Variants in PTPRD observed in about 807,000 individuals in gnomAD.
PTPRD encodes protein tyrosine phosphatase receptor type D, also known as receptor-type tyrosine-protein phosphatase delta.
In PTPRD, 34 loss-of-function variants were observed where a neutral mutation model predicts 214.5. The ratio of observed to expected loss-of-function variants is 0.16; its 90% CI spans 0.12 to 0.21. The LOEUF is 0.21. PTPRD is among the 10% of genes least tolerant of loss of function. The probability of loss-of-function intolerance (pLI) is 1.00; values close to 1 mark genes in which losing one functional copy is unlikely to be tolerated. For missense variants in PTPRD, 2,545 were observed against 2,398.7 expected, an observed-to-expected ratio of 1.06 and a Z score of -1.27; for synonymous variants, 1,128 against 845.7, an observed-to-expected ratio of 1.33 and a Z score of -5.79.
At chr9:10,441,469 C>T (rs1481068168) in intron 2 of PTPRD, among the ~76,000 whole-genome samples, 2 of 151,516 alleles carry the variant, frequency 1.3e-5, no homozygotes, top group African/African-American at 4.8e-5. Context: ...CCTTTGACAC[C>T]GAATATATTT....
intron 10 of PTPRD, among the ~76,000 whole-genome samples, chr9:9,099,459 A>G (rs921046412): frequency 1.3e-5 from 2 of 152,234 alleles, no homozygotes; most frequent in East Asian, 3.9e-4. Flanking sequence ...TTTAGAGATT[A>G]TTTTACAAGG....
At chr9:9,838,736 A>C (rs1331773653) in intron 5 of PTPRD, among the ~76,000 whole-genome samples, 1 of 152,092 alleles carries the variant, frequency 6.6e-6, no homozygotes, top group Non-Finnish European at 1.5e-5. Flanking sequence ...CTCTGATGGT[A>C]GTTTCTTTTG....
chr9:10,425,750 A>G (rs914468964), intron 2 of PTPRD, among the ~76,000 whole-genome samples: 1 of 151,998 alleles, frequency 6.6e-6, no homozygotes, highest in Non-Finnish European at 1.5e-5. Flanking sequence ...GGAAGATGTC[A>G]TTAAACCAGC....
chr9:9,354,233 T>C (rs568521269), intron 9 of PTPRD, among the ~76,000 whole-genome samples: 9 of 151,862 alleles, frequency 5.9e-5, no homozygotes, highest in Non-Finnish European at 1.2e-4. Context: ...ATAATGACTG[T>C]TCCATCATAT....
chr9:8,464,087 C>G (rs1361212637), intron 32 of PTPRD, among the ~76,000 whole-genome samples: 1 of 151,872 alleles, frequency 6.6e-6, no homozygotes, highest in African/African-American at 2.4e-5. Context: ...GACTCTTTAT[C>G]AGTTGTGACA....
chr9:8,637,966 A>T (rs2096483130), intron 12 of PTPRD, among the ~76,000 whole-genome samples: 1 of 152,190 alleles, frequency 6.6e-6, no homozygotes, highest in South Asian at 2.1e-4. Flanking sequence ...AGTAAATAAA[A>T]CACTAATAAT....
intron 21 of PTPRD, among the ~76,000 whole-genome samples, chr9:8,514,852 G>C (rs1197306511): frequency 2.6e-5 from 4 of 152,118 alleles, no homozygotes; most frequent in Admixed American, 6.6e-5. Context: ...GGAGGTGATT[G>C]AACAATGGGG....
intron 32 of PTPRD, among the ~76,000 whole-genome samples, chr9:8,460,772 A>G (rs2096375673): frequency 6.6e-6 from 1 of 152,070 alleles, no homozygotes; most frequent in Non-Finnish European, 1.5e-5. Context: ...AAATTTCCTT[A>G]TAGAGTGAAC....
intron 2 of PTPRD, among the ~76,000 whole-genome samples, chr9:10,573,393 C>T (rs2068112761): frequency 6.6e-6 from 1 of 152,162 alleles, no homozygotes; most frequent in Admixed American, 6.6e-5. Context: ...TCTGTATACA[C>T]ATCCAGTAAT....
In PTPRD at chr9:8,862,683, GA is replaced by G. The variant is rs529300791; in HGVS notation, c.-103-128738del. 3.2e-4 allele frequency among the ~76,000 whole-genome samples: 48 copies of G among 152,176 alleles called. No individual in the cohort carries two copies. In the East Asian group the frequency reaches 9.1e-3, roughly 29 times the overall value. Reference sequence around the variant, plus strand: ...TCATTTATGCTTTCTTTTTCCACGTGAAAAAAATACACTTTCCTTTTCTTCA... The same window carrying G: ...TCATTTATGCTTTCTTTTTCCACGTGAAAAAATACACTTTCCTTTTCTTCA... On this transcript the variant is annotated intron_variant, in intron 11 of 45. Coordinates refer to ENST00000381196, the MANE Select transcript of PTPRD (RefSeq NM_002839.4).
intron 8 of PTPRD, among the ~76,000 whole-genome samples, chr9:9,483,727 T>G (rs2147223113): frequency 6.6e-6 from 1 of 151,744 alleles, no homozygotes; most frequent in South Asian, 2.1e-4. Context: ...AATAAGTAAC[T>G]CATTTCCTGG....
At chr9:8,967,347 C>A (rs2099203415) in intron 11 of PTPRD, among the ~76,000 whole-genome samples, 2 of 151,996 alleles carry the variant, frequency 1.3e-5, no homozygotes, top group South Asian at 4.1e-4. Context: ...AAGAAATCAT[C>A]CTACCAAAAA....
intron 5 of PTPRD, among the ~76,000 whole-genome samples, chr9:9,836,604 C>G (rs1418479542): frequency 6.6e-6 from 1 of 152,048 alleles, no homozygotes; most frequent in Non-Finnish European, 1.5e-5. Context: ...AATATCAATC[C>G]TCTTCAAAGG....
chr9:9,742,266 G>A (rs113820278), intron 6 of PTPRD, among the ~76,000 whole-genome samples: 43 of 152,134 alleles, frequency 2.8e-4, no homozygotes, highest in Non-Finnish European at 5.3e-4. Context: ...GAAGAGACGT[G>A]CAAGGAAGGA....
At chr9:8,454,438 A>T (rs554342868) in intron 33 of PTPRD, 1 of 738,486 alleles carries the variant, frequency 1.4e-6, no homozygotes, top group South Asian at 1.7e-5. Context: ...GTTACTGTGT[A>T]TATGTAGGCT....
intron 2 of PTPRD, among the ~76,000 whole-genome samples, chr9:10,583,457 C>CTT (rs34055386): frequency 6.0e-4 from 87 of 145,502 alleles, no homozygotes; most frequent in Middle Eastern, 3.5e-3. Context: ...ACTAGAAGTT[C>CTT]TTTTTTTTTT....
intron 5 of PTPRD, among the ~76,000 whole-genome samples, chr9:9,871,725 C>T (rs375445406): frequency 1.3e-5 from 2 of 150,804 alleles, no homozygotes; most frequent in South Asian, 2.1e-4. Context: ...CTCTTTGGAC[C>T]CTAAGATTAT....
chr9:10,036,070 G>GATA (rs1462415656), intron 3 of PTPRD, among the ~76,000 whole-genome samples: 1 of 152,000 alleles, frequency 6.6e-6, no homozygotes, highest in East Asian at 1.9e-4. Context: ...TTCAACATTG[G>GATA]TATCTGGCAG....
chr9:8,432,805 T>C (rs1590260760), intron 35 of PTPRD, among the ~76,000 whole-genome samples: 1 of 152,296 alleles, frequency 6.6e-6, no homozygotes, highest in East Asian at 1.9e-4. Flanking sequence ...GTAGAGTCAA[T>C]TCATGCCCAG....
Sources: allele counts gnomAD v4.1 joint callset (sites outside exome capture counted in the v4.1 genomes callset), GRCh38; gene constraint gnomAD v4.1.1; transcripts MANE v1.5; gene names NCBI Gene and HGNC (gene_info 2026-07-23, HGNC 2026-07-21).